The following TM4SF1 variants were observed in gnomAD, a reference collection of about 807,000 sequenced individuals.
TM4SF1 encodes transmembrane 4 L six family member 1, also known as transmembrane 4 L6 family member 1.
A neutral mutation model predicts 24.5 loss-of-function variants in TM4SF1; 20 were observed. The ratio of observed to expected loss-of-function variants is 0.82; its 90% CI spans 0.57 to 1.19. TM4SF1 has a LOEUF of 1.19. Ranked by LOEUF, TM4SF1 falls within the 50% of genes most tolerant of loss-of-function variation. TM4SF1 has a pLI of 0.00. For synonymous variants in TM4SF1, 107 were observed against 95.4 expected (o/e 1.12, Z -0.71); for missense variants, 258 against 248.1 (o/e 1.04, Z -0.27).
intron 3 of TM4SF1, among the ~76,000 whole-genome samples, chr3:149,374,946 A>G (rs1167309178): frequency 2.0e-5 from 3 of 152,246 alleles, no homozygotes; most frequent in African/African-American, 7.2e-5. Flanking sequence ...GCCTGGGTTC[A>G]AATGCTAACT....
chr3:149,375,012 T>C (rs1400827249), intron 3 of TM4SF1, among the ~76,000 whole-genome samples: 3 of 152,198 alleles, frequency 2.0e-5, no homozygotes, highest in Non-Finnish European at 2.9e-5. Context: ...TGTGATTTTG[T>C]TTCCTCATCT....
chr3:149,375,383 C>T, intron 3 of TM4SF1, 60 bp downstream of exon 3: 3 of 1,584,738 alleles, frequency 1.9e-6, no homozygotes, highest in Non-Finnish European at 1.7e-6. Context: ...TTTGATAGAG[C>T]TGCCACTATA....
At chr3:149,375,790 G>A in intron 1 of TM4SF1, 21 bp from the exon 2 acceptor site, 2 of 1,613,136 alleles carry the variant, frequency 1.2e-6, no homozygotes, top group South Asian at 2.2e-5. Flanking sequence ...AACAAACAAA[G>A]TCAGGTCATT....
intron 4 of TM4SF1, 68 bp downstream of exon 4, chr3:149,371,619 C>T (rs774812360): frequency 6.3e-7 from 1 of 1,579,148 alleles, no homozygotes; most frequent in Non-Finnish European, 8.7e-7. Context: ...TTGCCTTTTT[C>T]TTTATGATGA....
intron 4 of TM4SF1, chr3:149,371,461 T>C (rs1731818630): frequency 3.3e-6 from 2 of 607,002 alleles, no homozygotes; most frequent in Non-Finnish European, 2.9e-6. Flanking sequence ...TGTTCTTGTG[T>C]ACATAGAGCC....
intron 2 of TM4SF1, 23 bp from the exon 3 acceptor site, chr3:149,375,611 G>A: frequency 6.2e-7 from 1 of 1,614,170 alleles, no homozygotes; most frequent in South Asian, 1.1e-5. Flanking sequence ...AGACACACAG[G>A]AAGTGAGCCA....
At chr3:149,370,012 A>G in intron 4 of TM4SF1, 132 bp from the exon 5 acceptor site, 1 of 1,145,150 alleles carries the variant, frequency 8.7e-7, no homozygotes, top group Non-Finnish European at 1.2e-6. Context: ...GGCCAACCAT[A>G]CTTAGGGCTT....
chr3:149,375,262 C>T (rs1028504387), intron 3 of TM4SF1, among the ~76,000 whole-genome samples, 181 bp downstream of exon 3: 9 of 151,984 alleles, frequency 5.9e-5, no homozygotes, highest in African/African-American at 9.7e-5. Flanking sequence ...TTGTTTAGGT[C>T]GGGGACTGGG....
intron 4 of TM4SF1, chr3:149,370,587 T>C (rs759229994): frequency 1.3e-5 from 2 of 152,234 alleles, no homozygotes; most frequent in African/African-American, 2.4e-5. Context: ...GATACTTCTC[T>C]GCCCTTCCCC....
intron 1 of TM4SF1, 66 bp downstream of exon 1, chr3:149,377,305 T>C (rs1731978002): frequency 2.0e-6 from 3 of 1,530,164 alleles, no homozygotes; most frequent in Non-Finnish European, 2.6e-6. Flanking sequence ...AAACTTTCCA[T>C]GAAAATACAT....
At chr3:149,370,405 G>A (rs578195766) in intron 4 of TM4SF1, 1 of 153,190 alleles carries the variant, frequency 6.5e-6, no homozygotes, top group East Asian at 1.9e-4. Flanking sequence ...CAAATCAGAG[G>A]AGAGTATCAT....
Position 149,371,855 on chromosome 3 carries a change from A to G in TM4SF1, c.426T>C (p.Asp142=). Residue 142 remains aspartate, a synonymous_variant, in exon 4 of 5, where the codon GAT becomes GAC. Transcript: ENST00000305366. ...CAGTGCACTCGGACCATGTGGAGGT[A>G]TCCAGAAGGTACCTGTGGGTAAAAA... is the stretch of plus-strand genomic sequence containing the variant. ...FASTEGQYLL[D]TSTWSECTEP... 2 of 1,614,110 alleles carry G rather than the reference A, an allele frequency of 1.2e-6. No individual in the cohort carries two copies. Among genetic ancestry groups the G allele is most frequent in the Non-Finnish European group, 1.7e-6 (2 of 1,179,998 alleles).
chr3:149,372,294 G>A (rs775305609), intron 3 of TM4SF1, among the ~76,000 whole-genome samples: 2 of 152,188 alleles, frequency 1.3e-5, no homozygotes, highest in Admixed American at 6.5e-5. Context: ...AGTAGAGTAT[G>A]TGTAGGTGTT....
intron 1 of TM4SF1, 89 bp from the exon 2 acceptor site, chr3:149,375,858 T>C (rs1438592521): frequency 8.3e-7 from 1 of 1,205,178 alleles, no homozygotes; most frequent in East Asian, 2.3e-5. Flanking sequence ...TATATTTATT[T>C]CCAATGACAT....
intron 3 of TM4SF1, among the ~76,000 whole-genome samples, chr3:149,372,714 C>G (rs1731856526): frequency 6.6e-6 from 1 of 152,152 alleles, no homozygotes; most frequent in African/African-American, 2.4e-5. Context: ...ACCTCTACGT[C>G]CCAGGTTCAA....
rs140811683 is a variant in TM4SF1, at chr3:149,375,537, A to G, written c.319T>C (p.Cys107Arg). The G allele has an allele frequency of 1.2e-6, 2 of 1,614,128 alleles. No individual in the cohort carries two copies. Among genetic ancestry groups the G allele is most frequent in the African/African-American group, 2.7e-5 (2 of 74,946 alleles). The change falls in exon 3 of 5, where the codon TGT (cysteine) becomes CGT (arginine). Residue 107 changes from cysteine to arginine, a missense_variant. Coordinates refer to ENST00000305366, the MANE Select transcript of TM4SF1 (RefSeq NM_014220.3). The stretch of plus-strand genomic sequence containing the variant: ...AAGCCAAGGGCTGCCACAATGACAC[A>G]GTAGCCAGATCCTGCAATTCCAATG... ...ALIGIAGSGYCVIVAALGLAE... is the reference protein window; with the variant it reads ...ALIGIAGSGYRVIVAALGLAE...
chr3:149,373,106 C>A (rs1164467471), intron 3 of TM4SF1, among the ~76,000 whole-genome samples: 1 of 152,220 alleles, frequency 6.6e-6, no homozygotes, highest in East Asian at 1.9e-4. Flanking sequence ...TAAGGCTGAG[C>A]TCCATGAAGG....
chr3:149,372,012 C>A, intron 3 of TM4SF1, 145 bp from the exon 4 acceptor site: 1 of 718,320 alleles, frequency 1.4e-6, no homozygotes, highest in Non-Finnish European at 2.3e-6. Context: ...GCATGTCATT[C>A]CACAAAATGG....
chr3:149,375,343 G>A, intron 3 of TM4SF1, 100 bp downstream of exon 3: 10 of 1,447,238 alleles, frequency 6.9e-6, no homozygotes, highest in African/African-American at 1.4e-5. Context: ...CTAGGTGGGT[G>A]GATGGATGGA....
Sources: gnomAD v4.1 joint callset for allele counts (sites outside exome capture counted in the v4.1 genomes callset) on GRCh38, gnomAD v4.1.1 for gene constraint, MANE v1.5 for transcripts, NCBI Gene and HGNC (gene_info 2026-07-23, HGNC 2026-07-21) for gene names.